Variants in ONECUT3 observed in about 807,000 individuals in gnomAD.
ONECUT3 encodes one cut domain family member 3.
ONECUT3 carries 11 observed loss-of-function variants against 16.8 expected under a neutral mutation model. The observed-to-expected ratio is 0.66, with a 90% CI of 0.41 to 1.09. The LOEUF (loss-of-function observed/expected upper bound fraction) is 1.09, where lower values mean the gene tolerates loss of function less well. ONECUT3 is among the 50% of genes least tolerant of loss of function. The pLI is 0.00. For synonymous variants in ONECUT3, 344 were observed against 310.7 expected (o/e 1.11, Z -1.13); for missense variants, 637 against 629.9 (o/e 1.01, Z -0.12).
At position 1,753,932 on chromosome 19, in the gene ONECUT3, G is replaced by A; in HGVS notation, c.270G>A (p.Pro90=). 1.0e-6 allele frequency: 1 copy of A among 985,384 alleles called. No individual in the cohort carries two copies. The highest frequency in any genetic ancestry group is 1.2e-6 in the Non-Finnish European group (1 of 831,656). The allele number at this position is 985,384 out of a possible 1,614,324, so 61.0% of individuals were successfully genotyped here. The part of the protein sequence containing the change: ...FRGELAGPLH[P]AMGMACEAPG... Reference sequence around the variant, plus strand: ...GGGAACTGGCGGGCCCGCTGCACCCGGCAATGGGCATGGCCTGCGAGGCGC... The same window carrying A: ...GGGAACTGGCGGGCCCGCTGCACCCAGCAATGGGCATGGCCTGCGAGGCGC... Residue 90 remains proline, a synonymous_variant, in exon 1 of 2, where the codon CCG becomes CCA. Transcript: ENST00000382349.
chr19:1,779,502 G>C lies in ONECUT3; in HGVS notation c.*4057G>C, dbSNP rs1269675965. ...TGTTCTCTGGCTTGTTCTGTTTCTT[G>C]TTTTCTGGAGTCATGTCTTATAAGA... On this transcript the variant is annotated 3_prime_UTR_variant, in exon 2 of 2. Transcript: ENST00000382349. 1 of 150,732 alleles carries C rather than the reference G, an allele frequency of 6.6e-6. No homozygotes were observed. Among genetic ancestry groups the C allele is most frequent in the Non-Finnish European group, 1.5e-5 (1 of 67,772 alleles). The allele number at this position is 150,732 out of a possible 1,614,324, so 9.3% of individuals were successfully genotyped here.
chr19:1,755,469 G>A lies in ONECUT3; in HGVS notation c.1192+615G>A, dbSNP rs2067911871. On this transcript the variant is annotated intron_variant, in intron 1 of 1. Transcript: ENST00000382349. This position sits in a 1 kb window ranked among gnomAD's most constrained non-coding sequence, Gnocchi z 7.5. ...CCCCTCCCTCTCCCCTCCGGCCGCT[G>A]GCAAAGGTCACCCGAGAATGGCGGG... 1.3e-5 allele frequency among the ~76,000 whole-genome samples: 2 copies of A among 151,962 alleles called. No individual in the cohort carries two copies. Among genetic ancestry groups the A allele is most frequent in the African/African-American group, 2.4e-5 (1 of 41,384 alleles).
rs924568165 is a variant in ONECUT3, at chr19:1,777,977, G to A, written c.*2532G>A. Reference sequence around the variant, plus strand: ...GCCACTACACTCTAGCCTGGGCAACGAGAGCAAAACTCCCTCTCAAAAAAA... The same window carrying A: ...GCCACTACACTCTAGCCTGGGCAACAAGAGCAAAACTCCCTCTCAAAAAAA... On this transcript the variant is annotated 3_prime_UTR_variant, in exon 2 of 2. Transcript: ENST00000382349. 3 of 114,340 alleles carry A rather than the reference G, an allele frequency of 2.6e-5. No individual in the cohort carries two copies. Among genetic ancestry groups the A allele is most frequent in the East Asian group, 2.8e-4 (1 of 3,522 alleles). 7.1% of individuals were successfully genotyped at this position (114,340 alleles called of 1,614,324 possible).
rs1600349047 is a variant in ONECUT3, at chr19:1,766,966, G to A, written c.1193-8187G>A. On this transcript the variant is annotated intron_variant, in intron 1 of 1. Transcript: ENST00000382349. This position sits in a 1 kb window ranked among gnomAD's most constrained non-coding sequence, Gnocchi z 4.0. ...AAAGGAGGAACAGTGGCCCCTGGGA[G>A]TCCCAGAGGAGGGGCCCCGGGCTCC... Among the ~76,000 whole-genome samples the A allele has an allele frequency of 6.6e-6, 1 of 152,130 alleles. No homozygotes were observed. The highest frequency in any genetic ancestry group is 2.1e-4 in the South Asian group (1 of 4,814).
At chr19:1,771,427 C>T (rs915599612) in intron 1 of ONECUT3, among the ~76,000 whole-genome samples, 1 of 152,158 alleles carries the variant, frequency 6.6e-6, no homozygotes, top group Non-Finnish European at 1.5e-5. Context: ...ATCTTTATTG[C>T]ACCTTCATGT....
At position 1,753,566 on chromosome 19, in the gene ONECUT3, C is replaced by T. The variant is rs2067899465; in HGVS notation, c.-97C>T. On this transcript the variant is annotated 5_prime_UTR_variant, in exon 1 of 2. Coordinates refer to ENST00000382349, the MANE Select transcript of ONECUT3 (RefSeq NM_001080488.2). ...CGTGCGCCGCGCAGCCTGGCAGCCT[C>T]GCGCGCAGCCACCGGGGAGCGGGCG... 5.4e-6 allele frequency: 2 copies of T among 372,402 alleles called. No homozygotes were observed. Among genetic ancestry groups the T allele is most frequent in the South Asian group, 1.0e-4 (1 of 9,630 alleles). 23.1% of individuals were successfully genotyped at this position (372,402 alleles called of 1,614,324 possible).
In ONECUT3 at chr19:1,766,788, G is replaced by A. The variant is rs531106151; in HGVS notation, c.1193-8365G>A. Among the ~76,000 whole-genome samples the A allele has an allele frequency of 7.9e-5, 12 of 151,164 alleles. No individual in the cohort carries two copies. In the South Asian group the frequency reaches 2.3e-3, roughly 29 times the overall value. Reference sequence around the variant, plus strand: ...GTGGCTACTGGTCTTCCGCAGCAGGGTCTTGCAGGCTGGGCTGAGACCCCC... The same window carrying A: ...GTGGCTACTGGTCTTCCGCAGCAGGATCTTGCAGGCTGGGCTGAGACCCCC... On this transcript the variant is annotated intron_variant, in intron 1 of 1. Coordinates refer to ENST00000382349, the MANE Select transcript of ONECUT3 (RefSeq NM_001080488.2). This position sits in a 1 kb window ranked among gnomAD's most constrained non-coding sequence, Gnocchi z 4.0.
chr19:1,758,862 G>A lies in ONECUT3; in HGVS notation c.1192+4008G>A, dbSNP rs35088527. Among the ~76,000 whole-genome samples, 4 of 152,082 alleles carry A rather than the reference G, an allele frequency of 2.6e-5. No individual in the cohort carries two copies. The highest frequency in any genetic ancestry group is 2.6e-4 in the Admixed American group (4 of 15,276). The stretch of plus-strand genomic sequence containing the variant: ...TCACCGTCGCCGGGTCGATAGCTTC[G>A]GCCGTCTTCAAATATTGTTTAAATT... On this transcript the variant is annotated intron_variant, in intron 1 of 1. Transcript: ENST00000382349. The surrounding 1 kb of genome is among the most constrained non-coding windows in gnomAD (Gnocchi z 5.9).
Position 1,775,672 on chromosome 19 carries a change from A to C in ONECUT3, c.*227A>C. The stretch of plus-strand genomic sequence containing the variant: ...ATGCCCACTCCCTCCAGGCCAAAGG[A>C]AGCCCTCCACCCCCCCCCGGAGGGG... On this transcript the variant is annotated 3_prime_UTR_variant, in exon 2 of 2. Transcript: ENST00000382349. 1 of 409,966 alleles carries C rather than the reference A, an allele frequency of 2.4e-6. No homozygotes were observed. Among genetic ancestry groups the C allele is most frequent in the Non-Finnish European group, 4.3e-6 (1 of 234,920 alleles). 25.4% of individuals were successfully genotyped at this position (409,966 alleles called of 1,614,324 possible). A position where few individuals can be genotyped will look rare whatever the true frequency, so the allele number is the denominator to read the frequency against.
rs1244434199 is a variant in ONECUT3 at position 1,778,953 on chromosome 19, C to A, written c.*3508C>A. On this transcript the variant is annotated 3_prime_UTR_variant, in exon 2 of 2. Transcript: ENST00000382349. ...GGACCCCACCCCAAACTTGGCCAGA[C>A]CCCCACAGAAGGCTCTATCCCCGAC... The A allele has an allele frequency of 2.0e-5, 3 of 152,600 alleles. No individual in the cohort carries two copies. Among genetic ancestry groups the A allele is most frequent in the Non-Finnish European group, 4.4e-5 (3 of 68,650 alleles). 9.5% of individuals were successfully genotyped at this position (152,600 alleles called of 1,614,324 possible). A position where few individuals can be genotyped will look rare whatever the true frequency, so the allele number is the denominator to read the frequency against.
chr19:1,766,747 C>A lies in ONECUT3; in HGVS notation c.1193-8406C>A, dbSNP rs1367556419. Among the ~76,000 whole-genome samples the A allele has an allele frequency of 1.3e-5, 2 of 152,036 alleles. No individual in the cohort carries two copies. Among genetic ancestry groups the A allele is most frequent in the Non-Finnish European group, 2.9e-5 (2 of 67,982 alleles). ...CACTCGGGGAGCCCCACTGTCCCACCCGGCGCTCCAGGGCAGTGGCTACTG... is the reference window on the plus strand; with the variant it reads ...CACTCGGGGAGCCCCACTGTCCCACACGGCGCTCCAGGGCAGTGGCTACTG... On this transcript the variant is annotated intron_variant, in intron 1 of 1. Coordinates refer to ENST00000382349, the MANE Select transcript of ONECUT3 (RefSeq NM_001080488.2). The surrounding 1 kb of genome is among the most constrained non-coding windows in gnomAD (Gnocchi z 4.0).
In ONECUT3 at chr19:1,762,694, C is replaced by T. The variant is rs977769303; in HGVS notation, c.1192+7840C>T. 6.6e-6 allele frequency among the ~76,000 whole-genome samples: 1 copy of T among 152,224 alleles called. No homozygotes were observed. The highest frequency in any genetic ancestry group is 1.5e-5 in the Non-Finnish European group (1 of 68,038). Reference sequence around the variant, plus strand: ...CCTTGGAGCCTCAGGGTCACTGGTGCGGGCTCCGCAGGAAAGCGCAGCCCC... The same window carrying T: ...CCTTGGAGCCTCAGGGTCACTGGTGTGGGCTCCGCAGGAAAGCGCAGCCCC... On this transcript the variant is annotated intron_variant, in intron 1 of 1. Coordinates refer to ENST00000382349, the MANE Select transcript of ONECUT3 (RefSeq NM_001080488.2). The surrounding 1 kb of genome is among the most constrained non-coding windows in gnomAD (Gnocchi z 4.4).
In ONECUT3 at chr19:1,766,341, CG is replaced by C. The variant is rs1000295011; in HGVS notation, c.1193-8809del. On this transcript the variant is annotated intron_variant, in intron 1 of 1. Coordinates refer to ENST00000382349, the MANE Select transcript of ONECUT3 (RefSeq NM_001080488.2). This position sits in a 1 kb window ranked among gnomAD's most constrained non-coding sequence, Gnocchi z 4.0. The stretch of plus-strand genomic sequence containing the variant: ...CGTCAGGCGCGCGCAGAGGCACCCA[CG>C]GGCCCGCCTTCAGGGGCGAGGCGGA... Among the ~76,000 whole-genome samples, 11 of 152,070 alleles carry C rather than the reference CG, an allele frequency of 7.2e-5. No homozygotes were observed. The highest frequency in any genetic ancestry group is 7.2e-4 in the Admixed American group (11 of 15,240).
Position 1,754,580 on chromosome 19 carries a change from C to G in ONECUT3, c.918C>G (p.Gly306=). The G allele has an allele frequency of 8.2e-7, 1 of 1,226,154 alleles. No individual in the cohort carries two copies. The highest frequency in any genetic ancestry group is 1.0e-6 in the Non-Finnish European group (1 of 975,954). 76.0% of individuals were successfully genotyped at this position (1,226,154 alleles called of 1,614,324 possible). The change falls in exon 1 of 2, where the codon GGC becomes GGG. Residue 306 remains glycine (G), a synonymous_variant. Transcript: ENST00000382349. The surrounding 1 kb of genome is among the most constrained non-coding windows in gnomAD (Gnocchi z 7.4). Reference sequence around the variant, plus strand: ...CGCACGGGGGAGGCGGCGGCCCCGGCGGGAGCGGCGGCGGCCCCAGCGCGG... The same window carrying G: ...CGCACGGGGGAGGCGGCGGCCCCGGGGGGAGCGGCGGCGGCCCCAGCGCGG... ...HGPHGGGGGP[G]GSGGGPSAGA...
intron 1 of ONECUT3, among the ~76,000 whole-genome samples, chr19:1,761,045 CTTTTTT>C (rs547570248): frequency 2.4e-5 from 2 of 84,042 alleles, no homozygotes; most frequent in Non-Finnish European, 2.2e-5. Flanking sequence ...CATTCCTGCT[CTTTTTT>C]TTTTTTTTTT....
intron 1 of ONECUT3, among the ~76,000 whole-genome samples, chr19:1,768,071 C>T (rs1451156242): frequency 2.0e-5 from 3 of 152,086 alleles, no homozygotes; most frequent in Non-Finnish European, 4.4e-5. Context: ...CCCCAGGGTC[C>T]TGGAGGAGGT....
At position 1,753,784 on chromosome 19, in the gene ONECUT3, C is replaced by T; in HGVS notation, c.122C>T (p.Pro41Leu). The change falls in exon 1 of 2, where the codon CCC (proline) becomes CTC (leucine). Residue 41 changes from proline to leucine, a missense_variant. Physicochemically the swap from Pro to Leu is moderately conservative, Grantham distance 98 (BLOSUM62 -3). Around this residue, in one of 3 missense-constraint regions of ONECUT3, gnomAD observed 419 missense variants for 377.9 expected, o/e 1.11. Transcript: ENST00000382349. ...AAAQHRGLVA[P>L]GRPGLVAGMA... is the part of the protein sequence containing the mutation. The stretch of plus-strand genomic sequence containing the variant: ...GCGCAGCACCGCGGCCTGGTGGCGC[C>T]CGGGCGCCCGGGCCTGGTGGCCGGC... 2.1e-6 allele frequency: 2 copies of T among 974,848 alleles called. No individual in the cohort carries two copies. Among genetic ancestry groups the T allele is most frequent in the Non-Finnish European group, 2.4e-6 (2 of 821,936 alleles). The allele number at this position is 974,848 out of a possible 1,614,324, so 60.4% of individuals were successfully genotyped here.
rs2067987910 is a variant in ONECUT3, at chr19:1,766,260, C to G, written c.1193-8893C>G. ...ATTTGGGAAGCCTCAGGCAGCCCCACGCGGGCACACCCGATGGTGGACGGA... is the reference window on the plus strand; with the variant it reads ...ATTTGGGAAGCCTCAGGCAGCCCCAGGCGGGCACACCCGATGGTGGACGGA... On this transcript the variant is annotated intron_variant, in intron 1 of 1. Coordinates refer to ENST00000382349, the MANE Select transcript of ONECUT3 (RefSeq NM_001080488.2). This position sits in a 1 kb window ranked among gnomAD's most constrained non-coding sequence, Gnocchi z 4.0. 1.3e-5 allele frequency among the ~76,000 whole-genome samples: 2 copies of G among 152,208 alleles called. No homozygotes were observed. The highest frequency in any genetic ancestry group is 4.8e-5 in the African/African-American group (2 of 41,448).
At chr19:1,765,792 C>T (rs1600346726) in intron 1 of ONECUT3, among the ~76,000 whole-genome samples, 2 of 152,190 alleles carry the variant, frequency 1.3e-5, no homozygotes, top group African/African-American at 4.8e-5. Flanking sequence ...CCCGCAGAGC[C>T]CACCCGCGTC....
Sources: gnomAD v4.1 joint callset for allele counts (sites outside exome capture counted in the v4.1 genomes callset) on GRCh38, gnomAD v4.1.1 for gene constraint, gnomAD v4.1.1 regional missense constraint, Gnocchi (gnomAD v3.1) non-coding constraint, MANE v1.5 for transcripts, NCBI Gene and HGNC (gene_info 2026-07-23, HGNC 2026-07-21) for gene names.